Variants in KCNMA1 observed in about 807,000 individuals in gnomAD.
The protein encoded by KCNMA1 is Calcium-activated potassium channel subunit alpha-1.
Under a neutral mutation model 140.0 loss-of-function variants are expected in KCNMA1, and 29 were observed. The observed-to-expected ratio is 0.21, with a 90% CI of 0.15 to 0.28. The LOEUF (loss-of-function observed/expected upper bound fraction) is 0.28. Among genes scored for constraint, KCNMA1 ranks in the 10% least tolerant of loss-of-function variants. KCNMA1 has a pLI of 1.00. For missense variants in KCNMA1, 880 were observed against 1,602.2 expected, an observed-to-expected ratio of 0.55 and a Z score of 7.70; for synonymous variants, 612 against 611.9, an observed-to-expected ratio of 1.00 and a Z score of 0.00.
At chr10:77,016,850 C>G (rs760726778) in intron 17 of KCNMA1, among the ~76,000 whole-genome samples, 6 of 152,110 alleles carry the variant, frequency 3.9e-5, no homozygotes, top group Non-Finnish European at 8.8e-5. Flanking sequence ...TCATTAACTT[C>G]TTTTGTTGCT....
intron 2 of KCNMA1, among the ~76,000 whole-genome samples, chr10:77,313,496 C>G (rs563969428): frequency 6.6e-6 from 1 of 152,158 alleles, no homozygotes; most frequent in African/African-American, 2.4e-5. Flanking sequence ...ATGTGAAATT[C>G]TCTGCTACTG....
intron 1 of KCNMA1, chr10:77,635,290 A>G (rs958977201): frequency 6.6e-6 from 1 of 152,192 alleles, no homozygotes; most frequent in African/African-American, 2.4e-5. Flanking sequence ...ACATAAAAAG[A>G]CTTTGGAAGC....
chr10:76,885,355 A>G lies in KCNMA1; in HGVS notation c.*1911T>C. The G allele has an allele frequency of 1.0e-6, 1 of 984,432 alleles. No individual in the cohort carries two copies. The highest frequency in any genetic ancestry group is 1.2e-6 in the Non-Finnish European group (1 of 829,308). The allele number at this position is 984,432 out of a possible 1,614,324, so 61.0% of individuals were successfully genotyped here. ...ATTCTTCCACTCATAGGGCTTGATA[A>G]TTTACATGTATACAATTATTCCCCA... On this transcript the variant is annotated 3_prime_UTR_variant, in exon 28 of 28. Coordinates refer to ENST00000286628, the MANE Select transcript of KCNMA1 (RefSeq NM_001161352.2).
At chr10:77,005,969 T>C (rs1047101166) in intron 18 of KCNMA1, among the ~76,000 whole-genome samples, 4 of 152,202 alleles carry the variant, frequency 2.6e-5, no homozygotes, top group African/African-American at 9.7e-5. Flanking sequence ...CTGGTGAAGA[T>C]GCAGCTCAGT....
chr10:77,382,959 CGTGTGTGT>C (rs57049025), intron 2 of KCNMA1, among the ~76,000 whole-genome samples: 32 of 76,992 alleles, frequency 4.2e-4, no homozygotes, highest in African/African-American at 1.1e-3. Flanking sequence ...CATATATATA[CGTGTGTGT>C]GTGTGTGTGT....
intron 3 of KCNMA1, among the ~76,000 whole-genome samples, chr10:77,222,108 A>G (rs2049890388): frequency 6.6e-6 from 1 of 152,166 alleles, no homozygotes; most frequent in Admixed American, 6.5e-5. Flanking sequence ...TCCTCCCTAC[A>G]AGAGAGAGAA....
Position 77,108,335 on chromosome 10 carries a change from G to C in KCNMA1, c.1223+146C>G. ...GTCCCGCCGAATTTATTCCGACTCA[G>C]GATGAGAGCAGCAATTTCGGGCACG... On this transcript the variant is annotated intron_variant, in intron 9 of 27. Transcript: ENST00000286628. This position sits in a 1 kb window ranked among gnomAD's most constrained non-coding sequence, Gnocchi z 4.6. The C allele has an allele frequency of 6.4e-7, 1 of 1,566,558 alleles. No homozygotes were observed. Among genetic ancestry groups the C allele is most frequent in the Non-Finnish European group, 8.6e-7 (1 of 1,164,290 alleles).
intron 3 of KCNMA1, among the ~76,000 whole-genome samples, chr10:77,235,381 G>A (rs1254019831): frequency 6.6e-6 from 1 of 152,142 alleles, no homozygotes; most frequent in African/African-American, 2.4e-5. Flanking sequence ...TTGGAGCAGG[G>A]AGACAGATAT....
At position 76,910,229 on chromosome 10, in the gene KCNMA1, A is replaced by T. The variant is rs1037891574; in HGVS notation, c.3017-133T>A. The T allele has an allele frequency of 5.6e-5, 56 of 992,514 alleles. 1 individual carries two copies. Among genetic ancestry groups the T allele is most frequent in the Non-Finnish European group, 8.4e-5 (55 of 652,630 alleles). 61.5% of individuals were successfully genotyped at this position (992,514 alleles called of 1,614,324 possible). On this transcript the variant is annotated intron_variant, in intron 24 of 27. Transcript: ENST00000286628. ...AACAAAAGCATGGAATAAGCTGTAG[A>T]TGGATCTTTGGGTAAGGGGGGCAGT...
chr10:77,518,187 A>G (rs77325854), intron 1 of KCNMA1, among the ~76,000 whole-genome samples: 3,333 of 152,220 alleles, frequency 0.022, 127 homozygotes, highest in African/African-American at 0.076. Context: ...TCCCCATTGC[A>G]CTCACATCAC....
intron 1 of KCNMA1, among the ~76,000 whole-genome samples, chr10:77,623,805 G>C (rs2091996116): frequency 6.6e-6 from 1 of 151,930 alleles, no homozygotes; most frequent in African/African-American, 2.4e-5. Context: ...AAGTATTTTT[G>C]CCTGGATTGC....
chr10:76,991,678 C>G (rs534958390), intron 19 of KCNMA1, among the ~76,000 whole-genome samples: 44 of 152,234 alleles, frequency 2.9e-4, no homozygotes, highest in Admixed American at 1.8e-3. Flanking sequence ...ATCCTTCAGG[C>G]CATTTCCTAT....
chr10:77,056,765 A>T (rs993628083), intron 14 of KCNMA1, among the ~76,000 whole-genome samples: 2 of 152,220 alleles, frequency 1.3e-5, no homozygotes, highest in Non-Finnish European at 2.9e-5. Flanking sequence ...CAATTAAAAA[A>T]TACAATAACT....
At chr10:76,909,734 C>G (rs926555631) in intron 25 of KCNMA1, among the ~76,000 whole-genome samples, 3 of 152,194 alleles carry the variant, frequency 2.0e-5, no homozygotes, top group African/African-American at 7.2e-5. Flanking sequence ...GTCAAGCCCT[C>G]ACCTATATTT....
chr10:77,322,790 A>G (rs755615760), intron 2 of KCNMA1, among the ~76,000 whole-genome samples: 5 of 152,234 alleles, frequency 3.3e-5, no homozygotes, highest in South Asian at 2.1e-4. Context: ...AAAAATACCC[A>G]TGCTGGAGCC....
chr10:76,887,527 A>G lies in KCNMA1; in HGVS notation c.3462-12T>C. ...TGGTGATGACATACCTGGACAGGGA[A>G]AGCAGAGATGTCACCTCCTGAGAGT... On this transcript the variant is annotated splice_polypyrimidine_tract_variant and intron_variant, in intron 27 of 27. Coordinates refer to ENST00000286628, the MANE Select transcript of KCNMA1 (RefSeq NM_001161352.2). The G allele has an allele frequency of 1.9e-6, 3 of 1,614,134 alleles. No individual in the cohort carries two copies. Among genetic ancestry groups the G allele is most frequent in the Middle Eastern group, 3.3e-4 (2 of 6,062 alleles).
chr10:77,105,320 AAAATG>A (rs749620819), intron 9 of KCNMA1, among the ~76,000 whole-genome samples: 6 of 152,214 alleles, frequency 3.9e-5, no homozygotes, highest in Non-Finnish European at 7.3e-5. Context: ...ATTAAAACTG[AAAATG>A]AAATGCCAAT....
chr10:76,920,034 A>G (rs1167163271), intron 23 of KCNMA1, among the ~76,000 whole-genome samples: 13 of 110,562 alleles, frequency 1.2e-4, no homozygotes, highest in African/African-American at 5.3e-4. Flanking sequence ...ATATATATAT[A>G]TATATATATA....
chr10:77,431,729 G>A (rs1053439782), intron 1 of KCNMA1, among the ~76,000 whole-genome samples: 1 of 149,590 alleles, frequency 6.7e-6, no homozygotes. Flanking sequence ...CGGGAGCGGT[G>A]GCTCACGCCT....
Sources: gnomAD v4.1 joint callset for allele counts (sites outside exome capture counted in the v4.1 genomes callset) on GRCh38, gnomAD v4.1.1 for gene constraint, Gnocchi (gnomAD v3.1) non-coding constraint, MANE v1.5 for transcripts, NCBI Gene and HGNC (gene_info 2026-07-23, HGNC 2026-07-21) for gene names.